The following ANKS1B variants were observed in gnomAD, a reference collection of about 807,000 sequenced individuals.
The protein encoded by ANKS1B is ankyrin repeat and sterile alpha motif domain-containing protein 1B.
In ANKS1B, 36 loss-of-function variants were observed where a neutral mutation model predicts 148.3. The observed-to-expected ratio is 0.24, with a 90% CI of 0.19 to 0.32. ANKS1B has a LOEUF of 0.32. Among genes scored for constraint, ANKS1B ranks in the 10% least tolerant of loss-of-function variants. The pLI, the probability that ANKS1B is intolerant of heterozygous loss-of-function variation, is 1.00. For missense variants in ANKS1B, 1,157 were observed against 1,542.6 expected (o/e 0.75, Z 4.19); for synonymous variants, 542 against 560.8 (o/e 0.97, Z 0.47).
At chr12:99,403,945 T>G (rs887715895) in intron 11 of ANKS1B, among the ~76,000 whole-genome samples, 1 of 146,260 alleles carries the variant, frequency 6.8e-6, no homozygotes, top group Non-Finnish European at 1.5e-5. Context: ...AGTGATAGAC[T>G]GGATAAAGAA....
At chr12:99,479,781 T>C (rs2096381214) in intron 10 of ANKS1B, among the ~76,000 whole-genome samples, 1 of 151,914 alleles carries the variant, frequency 6.6e-6, no homozygotes, top group Non-Finnish European at 1.5e-5. Context: ...TTAGTCTAAG[T>C]TGCAGTTAGA....
At chr12:98,736,035 G>A (rs1421163515) in intron 9 of ANKS1B, among the ~76,000 whole-genome samples, 2 of 152,220 alleles carry the variant, frequency 1.3e-5, no homozygotes, top group Non-Finnish European at 2.9e-5. Context: ...CCATGTGGCT[G>A]GAGAAGGGTG....
At chr12:99,205,429 A>C (rs1001891091) in intron 14 of ANKS1B, among the ~76,000 whole-genome samples, 1 of 152,100 alleles carries the variant, frequency 6.6e-6, no homozygotes, top group Non-Finnish European at 1.5e-5. Context: ...CTTTATACTA[A>C]ATTTTTTTGT....
intron 9 of ANKS1B, among the ~76,000 whole-genome samples, chr12:99,577,571 A>T (rs545637442): frequency 6.6e-6 from 1 of 152,046 alleles, no homozygotes; most frequent in African/African-American, 2.4e-5. Flanking sequence ...CATAAATACA[A>T]AAAAACCCTC....
intron 12 of ANKS1B, among the ~76,000 whole-genome samples, chr12:99,383,279 A>G (rs888143456): frequency 6.6e-6 from 1 of 152,234 alleles, no homozygotes; most frequent in Admixed American, 6.5e-5. Flanking sequence ...CTACTATGGG[A>G]TAAGCAGAAA....
intron 14 of ANKS1B, among the ~76,000 whole-genome samples, chr12:99,220,743 G>A (rs185921362): frequency 6.6e-5 from 10 of 152,028 alleles, no homozygotes; most frequent in Non-Finnish European, 7.4e-5. Flanking sequence ...CACTGCGCCC[G>A]GCCTAAAAGC....
rs2095751820 is a variant in ANKS1B, at chr12:99,984,427, A to G, written c.-190T>C. Reference sequence around the variant, plus strand: ...TCCTCCTCTTCGGGGCGCAGCTTTTACAATGGGGATCAGACCATGTCTTGA... The same window carrying G: ...TCCTCCTCTTCGGGGCGCAGCTTTTGCAATGGGGATCAGACCATGTCTTGA... On this transcript the variant is annotated 5_prime_UTR_variant, in exon 1 of 27. Coordinates refer to ENST00000683438, the MANE Select transcript of ANKS1B (RefSeq NM_001352186.2). 3.7e-6 allele frequency: 2 copies of G among 537,116 alleles called. No individual in the cohort carries two copies. The highest frequency in any genetic ancestry group is 1.9e-5 in the African/African-American group (1 of 52,970). The allele number at this position is 537,116 out of a possible 1,614,324, so 33.3% of individuals were successfully genotyped here.
At chr12:99,230,476 T>G (rs556565537) in intron 14 of ANKS1B, among the ~76,000 whole-genome samples, 1 of 152,162 alleles carries the variant, frequency 6.6e-6, no homozygotes, top group Non-Finnish European at 1.5e-5. Flanking sequence ...AACTGTACCA[T>G]TTTTAAACCA....
intron 4 of ANKS1B, among the ~76,000 whole-genome samples, chr12:99,784,095 C>T (rs1464196986): frequency 1.3e-5 from 2 of 151,924 alleles, no homozygotes; most frequent in African/African-American, 2.4e-5. Flanking sequence ...CTGCTTTCCT[C>T]TCCGTCCCAT....
chr12:99,194,403 C>A (rs1429227989), intron 14 of ANKS1B, among the ~76,000 whole-genome samples: 1 of 151,724 alleles, frequency 6.6e-6, no homozygotes, highest in African/African-American at 2.4e-5. Context: ...TCTCTTACCC[C>A]TTTAGTTTAA....
chr12:99,691,196 C>A (rs189428259), intron 8 of ANKS1B, among the ~76,000 whole-genome samples: 15 of 152,284 alleles, frequency 9.9e-5, no homozygotes, highest in African/African-American at 3.6e-4. Flanking sequence ...GGCCCTGAGC[C>A]CACCCTACAA....
At chr12:99,334,292 T>C (rs1191845221) in intron 12 of ANKS1B, among the ~76,000 whole-genome samples, 1 of 152,072 alleles carries the variant, frequency 6.6e-6, no homozygotes, top group African/African-American at 2.4e-5. Flanking sequence ...TCATTCTTTC[T>C]AATTCAAGAC....
intron 8 of ANKS1B, among the ~76,000 whole-genome samples, chr12:99,716,556 A>AC (rs1469183617): frequency 1.3e-5 from 2 of 151,950 alleles, no homozygotes; most frequent in Non-Finnish European, 2.9e-5. Flanking sequence ...ATGCCGCTTG[A>AC]CCCCAATACA....
intron 17 of ANKS1B, among the ~76,000 whole-genome samples, chr12:98,928,690 C>T (rs945320117): frequency 1.3e-5 from 2 of 151,924 alleles, no homozygotes; most frequent in Admixed American, 6.6e-5. Flanking sequence ...ACAAAAATTA[C>T]GTTATGAGCA....
chr12:98,938,478 A>G (rs775805457), intron 17 of ANKS1B, among the ~76,000 whole-genome samples: 19 of 152,232 alleles, frequency 1.2e-4, no homozygotes, highest in Non-Finnish European at 2.1e-4. Flanking sequence ...AGCTCCCCAG[A>G]TGATTTTCAT....
chr12:99,495,945 G>T (rs559096056), intron 10 of ANKS1B, among the ~76,000 whole-genome samples: 1 of 152,374 alleles, frequency 6.6e-6, no homozygotes, highest in African/African-American at 2.4e-5. Flanking sequence ...ATAGTAGAGT[G>T]TGGATTATTC....
At chr12:99,436,287 A>C (rs2095459254) in intron 11 of ANKS1B, among the ~76,000 whole-genome samples, 6 of 152,128 alleles carry the variant, frequency 3.9e-5, no homozygotes. Flanking sequence ...GAAATCAGAG[A>C]TCTTCCAGTA....
intron 1 of ANKS1B, among the ~76,000 whole-genome samples, chr12:99,845,721 T>G (rs924727015): frequency 2.6e-5 from 4 of 152,158 alleles, no homozygotes; most frequent in East Asian, 1.9e-4. Flanking sequence ...GGTATCACAA[T>G]GTTGCTGGCC....
intron 15 of ANKS1B, among the ~76,000 whole-genome samples, chr12:99,146,878 A>G (rs2073303338): frequency 6.6e-6 from 1 of 152,086 alleles, no homozygotes; most frequent in South Asian, 2.1e-4. Context: ...TCGAAACTGA[A>G]AGTAGGGTCA....
Sources: allele counts gnomAD v4.1 joint callset (sites outside exome capture counted in the v4.1 genomes callset), GRCh38; gene constraint gnomAD v4.1.1; transcripts MANE v1.5; gene names NCBI Gene and HGNC (gene_info 2026-07-23, HGNC 2026-07-21).